EHMT1: variants seen among roughly 807,000 people sequenced by gnomAD.
The protein encoded by EHMT1 is euchromatic histone lysine methyltransferase 1.
A neutral mutation model predicts 147.2 loss-of-function variants in EHMT1; 15 were observed. That is an observed-to-expected ratio of 0.10 (90% CI 0.07 to 0.16). The LOEUF (loss-of-function observed/expected upper bound fraction) is 0.16. EHMT1 is among the 10% of genes least tolerant of loss of function. The probability of loss-of-function intolerance (pLI) is 1.00; values close to 1 mark genes in which losing one functional copy is unlikely to be tolerated. For synonymous variants in EHMT1, 795 were observed against 709.6 expected, an observed-to-expected ratio of 1.12 and a Z score of -1.91; for missense variants, 1,587 against 1,772.4, an observed-to-expected ratio of 0.90 and a Z score of 1.88.
intron 1 of EHMT1, among the ~76,000 whole-genome samples, chr9:137,659,550 T>TA (rs1242471125): frequency 6.6e-6 from 1 of 151,676 alleles, no homozygotes; most frequent in Non-Finnish European, 1.5e-5. Flanking sequence ...TGGGTCCCTT[T>TA]AAAAAATTTT....
chr9:137,738,554 A>G (rs774528355), intron 4 of EHMT1: 3 of 152,188 alleles, frequency 2.0e-5, no homozygotes, highest in Non-Finnish European at 4.4e-5. Flanking sequence ...GTGCCCCAGC[A>G]GCACTGAAAG....
Position 137,813,649 on chromosome 9 carries a change from C to T in EHMT1, c.3180+119C>T. On this transcript the variant is annotated intron_variant, in intron 21 of 26. Transcript: ENST00000460843. This position sits in a 1 kb window ranked among gnomAD's most constrained non-coding sequence, Gnocchi z 4.9. The stretch of plus-strand genomic sequence containing the variant: ...GCAGGAGGGCTTATGGGGGGCTTCC[C>T]AGGAAGACCTCATTCTCTTTGTAGT... 1 of 1,397,880 alleles carries T rather than the reference C, an allele frequency of 7.2e-7. No individual in the cohort carries two copies. Among genetic ancestry groups the T allele is most frequent in the South Asian group, 1.2e-5 (1 of 81,474 alleles). 86.6% of individuals were successfully genotyped at this position (1,397,880 alleles called of 1,614,324 possible). A position where few individuals can be genotyped will look rare whatever the true frequency, so the allele number is the denominator to read the frequency against.
intron 4 of EHMT1, among the ~76,000 whole-genome samples, chr9:137,737,709 T>C (rs553588795): frequency 2.6e-5 from 4 of 152,320 alleles, no homozygotes; most frequent in Admixed American, 2.6e-4. Context: ...TCTATCTCCT[T>C]GTTTCCCTGT....
chr9:137,715,923 G>A (rs1467544535), intron 2 of EHMT1: 1 of 862,394 alleles, frequency 1.2e-6, no homozygotes, highest in Non-Finnish European at 1.4e-6. Context: ...AAATGTTTAT[G>A]TTTAATATGT....
At chr9:137,683,902 T>G (rs1335429146) in intron 1 of EHMT1, among the ~76,000 whole-genome samples, 1 of 152,038 alleles carries the variant, frequency 6.6e-6, no homozygotes, top group African/African-American at 2.4e-5. Context: ...TGTATTGTGA[T>G]GAGTTTGATG....
chr9:137,790,513 G>A (rs1202016789), intron 15 of EHMT1, among the ~76,000 whole-genome samples: 1 of 152,166 alleles, frequency 6.6e-6, no homozygotes, highest in Admixed American at 6.5e-5. Context: ...TCTCTGCTGA[G>A]GGGCCCCTCC....
intron 1 of EHMT1, among the ~76,000 whole-genome samples, chr9:137,675,371 G>T (rs1180975529): frequency 6.6e-6 from 1 of 152,032 alleles, no homozygotes; most frequent in Non-Finnish European, 1.5e-5. Flanking sequence ...GAATTTGATG[G>T]AATATTTAGG....
chr9:137,742,980 G>A (rs1287350197), intron 4 of EHMT1: 20 of 313,938 alleles, frequency 6.4e-5, no homozygotes, highest in South Asian at 3.7e-4. Context: ...ACGTTGGTCT[G>A]TTTTGCAAAG....
rs117758329 is a variant in EHMT1, at chr9:137,777,155, A to C, written c.2018+311A>C. 612 of 374,250 alleles carry C rather than the reference A, an allele frequency of 1.6e-3. 10 individuals are homozygous for C. In the East Asian group the frequency reaches 0.032, roughly 20 times the overall value. The allele number at this position is 374,250 out of a possible 1,614,324, so 23.2% of individuals were successfully genotyped here. ...CCTGTTGGTACACAAGCGATAGACG[A>C]GTGGTGGCTGCTGCAGTCTGTGACC... is the stretch of plus-strand genomic sequence containing the variant. On this transcript the variant is annotated intron_variant, in intron 12 of 26. Transcript: ENST00000460843.
In EHMT1 at chr9:137,716,656, C is replaced by G. The variant is rs375620256; in HGVS notation, c.116C>G (p.Ala39Gly). The change falls in exon 3 of 27, where the codon GCA becomes GGA. Residue 39 changes from alanine to glycine, a missense_variant. Physicochemically the swap from Ala to Gly is moderately conservative, Grantham distance 60. Around this residue, in one of 7 missense-constraint regions of EHMT1, gnomAD observed 810 missense variants for 673.0 expected, o/e 1.20. Coordinates refer to ENST00000460843, the MANE Select transcript of EHMT1 (RefSeq NM_024757.5). ...CCTATGGCTGCCGATGAAGGCTCAG[C>G]AGAGAAACAGGCAGGAGAGGCCCAC... The part of the protein sequence containing the change: ...ETPMAADEGS[A>G]EKQAGEAHMA... The G allele has an allele frequency of 8.8e-6, 14 of 1,589,040 alleles. No individual in the cohort carries two copies. The highest frequency in any genetic ancestry group is 1.2e-5 in the Non-Finnish European group (14 of 1,164,978).
At chr9:137,691,588 T>A (rs1942941734) in intron 1 of EHMT1, among the ~76,000 whole-genome samples, 1 of 152,182 alleles carries the variant, frequency 6.6e-6, no homozygotes, top group African/African-American at 2.4e-5. Flanking sequence ...AATGCTGTTG[T>A]GAACATGGTG....
At chr9:137,733,629 G>A (rs1318257993) in intron 4 of EHMT1, among the ~76,000 whole-genome samples, 3 of 152,216 alleles carry the variant, frequency 2.0e-5, no homozygotes, top group Non-Finnish European at 4.4e-5. Flanking sequence ...GCTTGTGGGA[G>A]CCAGGGTGAG....
intron 6 of EHMT1, among the ~76,000 whole-genome samples, chr9:137,750,851 C>T (rs959031899): frequency 1.3e-5 from 2 of 152,092 alleles, no homozygotes; most frequent in Admixed American, 6.5e-5. Flanking sequence ...GTATAAAGGT[C>T]GATTGTAAGA....
chr9:137,738,731 G>T (rs192156114), intron 4 of EHMT1: 1 of 152,308 alleles, frequency 6.6e-6, no homozygotes, highest in East Asian at 1.9e-4. Context: ...GCGAAGCTGG[G>T]GCCCGCGCTG....
At chr9:137,720,144 A>G (rs1157045600) in intron 3 of EHMT1, among the ~76,000 whole-genome samples, 1 of 139,924 alleles carries the variant, frequency 7.1e-6, no homozygotes, top group Admixed American at 7.1e-5. Flanking sequence ...AACCCCCTCC[A>G]CACCAGGACA....
At chr9:137,641,463 C>A in intron 1 of EHMT1, 1 of 504,744 alleles carries the variant, frequency 2.0e-6, no homozygotes, top group South Asian at 1.5e-5. Context: ...ATCCTCCTCC[C>A]AAGCAGTGCA....
rs1256026366 is a variant in EHMT1 at position 137,787,496 on chromosome 9, G to T, written c.2383-3352G>T. 1.3e-5 allele frequency among the ~76,000 whole-genome samples: 2 copies of T among 152,194 alleles called. No individual in the cohort carries two copies. The highest frequency in any genetic ancestry group is 2.9e-5 in the Non-Finnish European group (2 of 68,040). On this transcript the variant is annotated intron_variant, in intron 15 of 26. Transcript: ENST00000460843. This position sits in a 1 kb window ranked among gnomAD's most constrained non-coding sequence, Gnocchi z 4.2. ...CTGACCAGGGCCAGGGCCGTGCCCAGCTCGGCCACGGCCACACGTGGGGTA... is the reference window on the plus strand; with the variant it reads ...CTGACCAGGGCCAGGGCCGTGCCCATCTCGGCCACGGCCACACGTGGGGTA...
rs1429056532 is a variant in EHMT1 at position 137,813,555 on chromosome 9, G to A, written c.3180+25G>A. 1.2e-6 allele frequency: 2 copies of A among 1,612,974 alleles called. No individual in the cohort carries two copies. Among genetic ancestry groups the A allele is most frequent in the African/African-American group, 1.3e-5 (1 of 74,916 alleles). Reference sequence around the variant, plus strand: ...GGTGAGTGACGGCAGATGAAGGGCTGACTCAGGCCAGGACATGGGACAGGC... The same window carrying A: ...GGTGAGTGACGGCAGATGAAGGGCTAACTCAGGCCAGGACATGGGACAGGC... On this transcript the variant is annotated intron_variant, in intron 21 of 26. Transcript: ENST00000460843. This position sits in a 1 kb window ranked among gnomAD's most constrained non-coding sequence, Gnocchi z 4.9.
chr9:137,659,224 C>G (rs1938808408), intron 1 of EHMT1, among the ~76,000 whole-genome samples: 1 of 151,796 alleles, frequency 6.6e-6, no homozygotes, highest in African/African-American at 2.4e-5. Flanking sequence ...TGTTGAACAT[C>G]TCCAATGTGG....
Sources: gnomAD v4.1 joint callset for allele counts (sites outside exome capture counted in the v4.1 genomes callset) on GRCh38, gnomAD v4.1.1 for gene constraint, gnomAD v4.1.1 regional missense constraint, Gnocchi (gnomAD v3.1) non-coding constraint, MANE v1.5 for transcripts, NCBI Gene and HGNC (gene_info 2026-07-23, HGNC 2026-07-21) for gene names.